Variants in CACNA1D observed in about 807,000 individuals in gnomAD.
The protein encoded by CACNA1D is voltage-dependent L-type calcium channel subunit alpha-1D.
A neutral mutation model predicts 257.1 loss-of-function variants in CACNA1D; 55 were observed. The ratio of observed to expected loss-of-function variants is 0.21; its 90% CI spans 0.17 to 0.27. CACNA1D has a LOEUF of 0.27. Among genes scored for constraint, CACNA1D ranks in the 10% least tolerant of loss-of-function variants. The pLI, the probability that CACNA1D is intolerant of heterozygous loss-of-function variation, is 1.00. For synonymous variants in CACNA1D, 980 were observed against 1,014.9 expected (o/e 0.97, Z 0.65); for missense variants, 1,876 against 2,784.0 (o/e 0.67, Z 7.34).
At chr3:53,791,316 A>G in intron 40 of CACNA1D, 1 of 341,262 alleles carries the variant, frequency 2.9e-6, no homozygotes. Context: ...GACTCAGAGA[A>G]AGGGAAAGAG....
intron 47 of CACNA1D, chr3:53,810,500 TA>T (rs757426207): frequency 1.6e-6 from 1 of 635,678 alleles, no homozygotes; most frequent in Non-Finnish European, 2.8e-6. Flanking sequence ...CTTACGTCTG[TA>T]ATCTCAGCAC....
At chr3:53,542,983 C>T (rs1321180421) in intron 3 of CACNA1D, among the ~76,000 whole-genome samples, 3 of 150,818 alleles carry the variant, frequency 2.0e-5, no homozygotes, top group Admixed American at 6.6e-5. Flanking sequence ...ACCCGGGAGG[C>T]GGAGGTTGTA....
intron 10 of CACNA1D, chr3:53,718,789 T>C: frequency 1.4e-6 from 2 of 1,467,792 alleles, no homozygotes; most frequent in Non-Finnish European, 1.9e-6. Context: ...TTTGTGCTTT[T>C]GAAGAAGAGC....
At chr3:53,556,931 G>C (rs986127231) in intron 3 of CACNA1D, among the ~76,000 whole-genome samples, 1 of 151,984 alleles carries the variant, frequency 6.6e-6, no homozygotes, top group African/African-American at 2.4e-5. Flanking sequence ...GGCCAAGCTG[G>C]TCTTGAACTC....
chr3:53,811,100 C>T lies in CACNA1D; in HGVS notation c.6193-13C>T. ...TAACACCCCCATGCCATCCATCCCT[C>T]TTTTCTGTACAGGTCCTGATATCCG... On this transcript the variant is annotated splice_polypyrimidine_tract_variant and intron_variant, in intron 47 of 47. Coordinates refer to ENST00000350061, the MANE Select transcript of CACNA1D (RefSeq NM_001128840.3). The surrounding 1 kb of genome is among the most constrained non-coding windows in gnomAD (Gnocchi z 4.2). 6.2e-7 allele frequency: 1 copy of T among 1,612,632 alleles called. No homozygotes were observed.
chr3:53,803,074 G>T (rs2095544132), intron 43 of CACNA1D, among the ~76,000 whole-genome samples: 1 of 152,156 alleles, frequency 6.6e-6, no homozygotes, highest in Non-Finnish European at 1.5e-5. Flanking sequence ...GATCAGAGCA[G>T]ATGCCCTGGG....
rs1189584946 is a variant in CACNA1D at position 53,800,786 on chromosome 3, C to T, written c.5041-272C>T. 5.4e-6 allele frequency: 3 copies of T among 555,688 alleles called. No homozygotes were observed. Among genetic ancestry groups the T allele is most frequent in the East Asian group, 3.2e-5 (1 of 31,564 alleles). The allele number at this position is 555,688 out of a possible 1,614,324, so 34.4% of individuals were successfully genotyped here. A position where few individuals can be genotyped will look rare whatever the true frequency, so the allele number is the denominator to read the frequency against. On this transcript the variant is annotated intron_variant, in intron 41 of 47. Coordinates refer to ENST00000350061, the MANE Select transcript of CACNA1D (RefSeq NM_001128840.3). The surrounding 1 kb of genome is among the most constrained non-coding windows in gnomAD (Gnocchi z 4.3). ...CCAGCCAGCCCAGCTGGGTATAAGTCACCCCAACTTGGAGCAACTGGAAGA... is the reference window on the plus strand; with the variant it reads ...CCAGCCAGCCCAGCTGGGTATAAGTTACCCCAACTTGGAGCAACTGGAAGA...
intron 25 of CACNA1D, among the ~76,000 whole-genome samples, chr3:53,747,031 C>T (rs148606202): frequency 2.1e-4 from 32 of 152,142 alleles, no homozygotes; most frequent in African/African-American, 7.5e-4. Context: ...TGGTTTTTAT[C>T]GGCCAACGAC....
At chr3:53,731,006 A>G (rs779596554) in intron 16 of CACNA1D, 71 bp from the exon 17 acceptor site, 148 of 938,950 alleles carry the variant, frequency 1.6e-4, no homozygotes, top group Non-Finnish European at 1.6e-4. Flanking sequence ...TTGATTCAGA[A>G]TCCTGATTAG....
At chr3:53,623,012 C>T (rs2093714743) in intron 3 of CACNA1D, among the ~76,000 whole-genome samples, 1 of 152,112 alleles carries the variant, frequency 6.6e-6, no homozygotes, top group South Asian at 2.1e-4. Flanking sequence ...CTGCCTCAGC[C>T]TCCTGCATAG....
At chr3:53,729,328 C>G (rs1210083735) in intron 15 of CACNA1D, among the ~76,000 whole-genome samples, 1 of 152,176 alleles carries the variant, frequency 6.6e-6, no homozygotes, top group Admixed American at 6.5e-5. Flanking sequence ...ATCATCTGTT[C>G]CTTGTTAGGT....
intron 30 of CACNA1D, chr3:53,762,605 G>A (rs186912238): frequency 2.8e-5 from 13 of 456,704 alleles, no homozygotes; most frequent in Non-Finnish European, 1.8e-5. Context: ...TGTTGGTAGC[G>A]TCGTTGATAT....
chr3:53,575,547 T>C (rs1200021618), intron 3 of CACNA1D, among the ~76,000 whole-genome samples: 1 of 152,202 alleles, frequency 6.6e-6, no homozygotes, highest in Non-Finnish European at 1.5e-5. Flanking sequence ...AAGAGATTTC[T>C]GAATTCCCAC....
intron 8 of CACNA1D, among the ~76,000 whole-genome samples, chr3:53,682,382 A>AAAAAAAAAC (rs1553634112): frequency 6.8e-6 from 1 of 147,038 alleles, no homozygotes; most frequent in Non-Finnish European, 1.5e-5. Context: ...AAAAAAAAAA[A>AAAAAAAAAC]AAAAAAAAAA....
rs201881377 is a variant in CACNA1D at position 53,673,785 on chromosome 3, G to A, written c.1220+659G>A. 1.9e-5 allele frequency: 30 copies of A among 1,613,734 alleles called. No homozygotes were observed. The highest frequency in any genetic ancestry group is 2.2e-5 in the East Asian group (1 of 44,876). ...TCTGATCATCCTTGGCTCATTTTTC[G>A]TCCTTAACCTGGTTCTTGGTGTCCT... On this transcript the variant is annotated intron_variant, in intron 8 of 47. Coordinates refer to ENST00000350061, the MANE Select transcript of CACNA1D (RefSeq NM_001128840.3). The surrounding 1 kb of genome is among the most constrained non-coding windows in gnomAD (Gnocchi z 4.1).
At chr3:53,572,639 A>T (rs1340299006) in intron 3 of CACNA1D, among the ~76,000 whole-genome samples, 1 of 152,112 alleles carries the variant, frequency 6.6e-6, no homozygotes, top group Non-Finnish European at 1.5e-5. Flanking sequence ...AGCTGAAGTG[A>T]TCCACCCGCA....
intron 3 of CACNA1D, among the ~76,000 whole-genome samples, chr3:53,569,350 C>G (rs777696881): frequency 2.6e-5 from 4 of 152,224 alleles, no homozygotes; most frequent in Non-Finnish European, 4.4e-5. Flanking sequence ...TACCACTGCT[C>G]ACTGGCTTAG....
intron 9 of CACNA1D, among the ~76,000 whole-genome samples, chr3:53,714,927 A>T (rs1390063028): frequency 1.3e-5 from 2 of 150,532 alleles, no homozygotes; most frequent in African/African-American, 2.5e-5. Flanking sequence ...TAATTTTTTA[A>T]CATTAAAAAA....
chr3:53,729,715 T>G (rs1348029504), intron 15 of CACNA1D, among the ~76,000 whole-genome samples: 1 of 152,246 alleles, frequency 6.6e-6, no homozygotes, highest in Non-Finnish European at 1.5e-5. Context: ...GTTTTTTAAC[T>G]GGAACTGCAA....
Sources: allele counts gnomAD v4.1 joint callset (sites outside exome capture counted in the v4.1 genomes callset), GRCh38; gene constraint gnomAD v4.1.1; non-coding constraint Gnocchi (gnomAD v3.1); transcripts MANE v1.5; gene names NCBI Gene and HGNC (gene_info 2026-07-23, HGNC 2026-07-21).